The following PCDH10 variants were observed in gnomAD, a reference collection of about 807,000 sequenced individuals.
PCDH10 encodes the protein protocadherin-10.
A neutral mutation model predicts 74.4 loss-of-function variants in PCDH10; 15 were observed. The observed-to-expected ratio is 0.20, with a 90% confidence interval of 0.13 to 0.31. The LOEUF is 0.31. Ranked by LOEUF, PCDH10 falls within the 10% of genes least tolerant of loss-of-function variation. The pLI is 1.00. For synonymous variants in PCDH10, 619 were observed against 589.8 expected (o/e 1.05, Z -0.72); for missense variants, 1,260 against 1,390.2 (o/e 0.91, Z 1.49).
At position 133,192,942 on chromosome 4, in the gene PCDH10, C is replaced by A. The variant is rs1727710607; in HGVS notation, c.*2782C>A. On this transcript the variant is annotated 3_prime_UTR_variant, in exon 5 of 5. Coordinates refer to ENST00000264360, the MANE Select transcript of PCDH10 (RefSeq NM_032961.3). Reference sequence around the variant, plus strand: ...CTCTTTAATCTGGTCATTCTAATATCCAATCTTACATAATTTTATATACAT... The same window carrying A: ...CTCTTTAATCTGGTCATTCTAATATACAATCTTACATAATTTTATATACAT... The A allele has an allele frequency of 6.6e-6, 1 of 151,546 alleles. No homozygotes were observed. Among genetic ancestry groups the A allele is most frequent in the South Asian group, 2.1e-4 (1 of 4,828 alleles). The allele number at this position is 151,546 out of a possible 1,614,324, so 9.4% of individuals were successfully genotyped here. A position where few individuals can be genotyped will look rare whatever the true frequency, so the allele number is the denominator to read the frequency against.
At chr4:133,186,002 A>T (rs1026481368) in intron 4 of PCDH10, among the ~76,000 whole-genome samples, 2 of 152,256 alleles carry the variant, frequency 1.3e-5, no homozygotes, top group South Asian at 4.1e-4. Flanking sequence ...TACATGTGAC[A>T]GTCATTTGTC....
chr4:133,168,562 AAT>A (rs1193893359), intron 4 of PCDH10, among the ~76,000 whole-genome samples: 2 of 151,556 alleles, frequency 1.3e-5, no homozygotes, highest in Non-Finnish European at 3.0e-5. Flanking sequence ...TTATATTCTA[AAT>A]ATTCAAAACT....
intron 3 of PCDH10, among the ~76,000 whole-genome samples, chr4:133,158,400 A>T (rs1191968986): frequency 6.6e-6 from 1 of 152,150 alleles, no homozygotes; most frequent in Non-Finnish European, 1.5e-5. Flanking sequence ...CTTTAAAAAA[A>T]TATGTTGAAG....
At chr4:133,200,087 C>T (rs556453550) in intron 2 of PCDH10, among the ~76,000 whole-genome samples, 6 of 151,842 alleles carry the variant, frequency 4.0e-5, no homozygotes, top group Middle Eastern at 3.4e-3. Context: ...CGTGAGCCAC[C>T]GCGCCCGGCC....
intron 4 of PCDH10, among the ~76,000 whole-genome samples, chr4:133,165,093 T>C (rs1220085467): frequency 6.7e-6 from 1 of 148,660 alleles, no homozygotes; most frequent in Non-Finnish European, 1.5e-5. Context: ...TATATTCATA[T>C]ATATATGAAT....
chr4:133,195,463 G>C (rs980721134), downstream of PCDH10, among the ~76,000 whole-genome samples: 3 of 152,024 alleles, frequency 2.0e-5, no homozygotes, highest in Non-Finnish European at 4.4e-5. Flanking sequence ...TTCCCCCTGT[G>C]TATCACTACC....
At chr4:133,155,642 A>G (rs544538740) in intron 3 of PCDH10, among the ~76,000 whole-genome samples, 8 of 152,182 alleles carry the variant, frequency 5.3e-5, no homozygotes, top group Non-Finnish European at 1.0e-4. Flanking sequence ...TGGTTTCTTC[A>G]TATTTTCAAC....
downstream of PCDH10, among the ~76,000 whole-genome samples, chr4:133,197,953 A>T (rs922626265): frequency 2.1e-5 from 3 of 142,950 alleles, no homozygotes; most frequent in Non-Finnish European, 4.5e-5. Context: ...TTTCTGGCAA[A>T]GTATTTCTCT....
Position 133,193,844 on chromosome 4 carries a change from T to C in PCDH10, c.*3684T>C, listed in dbSNP as rs1386618661. 1 of 151,736 alleles carries C rather than the reference T, an allele frequency of 6.6e-6. No homozygotes were observed. Among genetic ancestry groups the C allele is most frequent in the African/African-American group, 2.4e-5 (1 of 41,408 alleles). 9.4% of individuals were successfully genotyped at this position (151,736 alleles called of 1,614,324 possible). ...ATCTTTTTCAAGTCTAATTTTGTAG[T>C]GGTAAAGGCTTTGCACTTAACATCC... On this transcript the variant is annotated 3_prime_UTR_variant, in exon 5 of 5. Coordinates refer to ENST00000264360, the MANE Select transcript of PCDH10 (RefSeq NM_032961.3).
intron 4 of PCDH10, among the ~76,000 whole-genome samples, chr4:133,168,186 C>G (rs1056016227): frequency 2.0e-5 from 3 of 150,914 alleles, no homozygotes; most frequent in Admixed American, 2.0e-4. Flanking sequence ...GTTGTATAGT[C>G]GTCTATCTCA....
At chr4:133,181,376 T>C (rs1019563517) in intron 4 of PCDH10, among the ~76,000 whole-genome samples, 2 of 152,030 alleles carry the variant, frequency 1.3e-5, no homozygotes, top group African/African-American at 4.8e-5. Flanking sequence ...ACTCGTCCTA[T>C]ACTATAATTT....
At chr4:133,181,178 A>G in intron 4 of PCDH10, among the ~76,000 whole-genome samples, 1 of 152,124 alleles carries the variant, frequency 6.6e-6, no homozygotes, top group Admixed American at 6.6e-5. Flanking sequence ...TCAAAAAAAC[A>G]GGGATAAAAT....
intron 4 of PCDH10, among the ~76,000 whole-genome samples, chr4:133,174,824 CATA>C (rs568288999): frequency 4.2e-4 from 63 of 151,074 alleles, no homozygotes; most frequent in Non-Finnish European, 7.8e-4. Context: ...GTTATAACAA[CATA>C]ATATTAACTC....
intron 4 of PCDH10, among the ~76,000 whole-genome samples, chr4:133,170,150 AC>A (rs1431918031): frequency 6.6e-6 from 1 of 152,080 alleles, no homozygotes; most frequent in Non-Finnish European, 1.5e-5. Context: ...ATAGATAAAA[AC>A]AAATTATAAG....
chr4:133,184,003 A>G (rs879332912), intron 4 of PCDH10, among the ~76,000 whole-genome samples: 1 of 152,140 alleles, frequency 6.6e-6, no homozygotes. Flanking sequence ...ATAACTATTA[A>G]TTGCAAACTA....
chr4:133,194,564 T>C lies in PCDH10; in HGVS notation c.*4404T>C, dbSNP rs1727753080. On this transcript the variant is annotated 3_prime_UTR_variant, in exon 5 of 5. Transcript: ENST00000264360. Reference sequence around the variant, plus strand: ...TGAGTGTAAATGTAATAAATTATTTTATACTGCTGTATACATATGAAATAA... The same window carrying C: ...TGAGTGTAAATGTAATAAATTATTTCATACTGCTGTATACATATGAAATAA... The C allele has an allele frequency of 6.6e-6, 1 of 151,954 alleles. No individual in the cohort carries two copies. The highest frequency in any genetic ancestry group is 2.4e-5 in the African/African-American group (1 of 41,440). 9.4% of individuals were successfully genotyped at this position (151,954 alleles called of 1,614,324 possible). A position where few individuals can be genotyped will look rare whatever the true frequency, so the allele number is the denominator to read the frequency against.
downstream of PCDH10, among the ~76,000 whole-genome samples, chr4:133,198,529 C>T (rs1727838410): frequency 6.6e-6 from 1 of 152,174 alleles, no homozygotes; most frequent in African/African-American, 2.4e-5. Context: ...TCCATAGATG[C>T]TTACGTTGCT....
In PCDH10 at chr4:133,166,623, T is replaced by C. The variant is rs995996705; in HGVS notation, c.3103+3341T>C. Among the ~76,000 whole-genome samples, 6 of 151,568 alleles carry C rather than the reference T, an allele frequency of 4.0e-5. No homozygotes were observed. In the South Asian group the frequency reaches 8.3e-4, roughly 21 times the overall value. On this transcript the variant is annotated intron_variant, in intron 4 of 4. Transcript: ENST00000264360. ...GAAAACCCTACTAGTTAAAACACTT[T>C]AATATTTTTGTAGTCATTCCTGCTT... is the stretch of plus-strand genomic sequence containing the variant.
chr4:133,150,765 G>C lies in PCDH10; in HGVS notation c.625G>C (p.Gly209Arg). The C allele has an allele frequency of 6.3e-7, 1 of 1,598,392 alleles. No individual in the cohort carries two copies. Among genetic ancestry groups the C allele is most frequent in the Non-Finnish European group, 8.5e-7 (1 of 1,172,274 alleles). The change falls in exon 1 of 5, where the codon GGG becomes CGG. Residue 209 changes from glycine to arginine, a missense_variant. By Grantham distance (125) the Gly-to-Arg change is moderately radical. This residue lies in a region of PCDH10 where 192 missense variants were observed against 161.2 expected (regional missense o/e 1.19). Transcript: ENST00000264360. The stretch of plus-strand genomic sequence containing the variant: ...GCTGACCGCGGTGGACGGAGGAGGT[G>C]GGGGAGGAGTAGGAGAAGGAGGGGG... ...YVLTAVDGGG[G>R]GGVGEGGGGG...
Sources: allele counts gnomAD v4.1 joint callset (sites outside exome capture counted in the v4.1 genomes callset), GRCh38; gene constraint gnomAD v4.1.1; regional missense constraint gnomAD v4.1.1; transcripts MANE v1.5; gene names NCBI Gene and HGNC (gene_info 2026-07-23, HGNC 2026-07-21).